Variants in COMMD4 observed in about 807,000 individuals in gnomAD.
COMMD4 encodes COMM domain containing 4.
Under a neutral mutation model 27.5 loss-of-function variants are expected in COMMD4, and 18 were observed. The observed-to-expected ratio is 0.65, with a 90% CI of 0.45 to 0.97. The LOEUF (loss-of-function observed/expected upper bound fraction) is 0.97, where lower values mean the gene tolerates loss of function less well. Among genes scored for constraint, COMMD4 ranks in the 50% least tolerant of loss-of-function variants. The pLI is 0.00. For synonymous variants in COMMD4, 108 were observed against 108.4 expected (o/e 1.00, Z 0.02); for missense variants, 243 against 250.0 (o/e 0.97, Z 0.19).
Position 75,336,081 on chromosome 15 carries a change from C to T in COMMD4, c.-9C>T, listed in dbSNP as rs1343881549. 6.5e-6 allele frequency: 10 copies of T among 1,549,674 alleles called. No homozygotes were observed. Among genetic ancestry groups the T allele is most frequent in the Admixed American group, 5.9e-5 (3 of 50,984 alleles). ...AAAAGAAATTCCCGGGCCCTGGCTT[C>T]TTGGCGCGATGGTGAGGCACTAGGG... On this transcript the variant is annotated 5_prime_UTR_variant, in exon 1 of 8. Transcript: ENST00000267935.
chr15:75,338,705 T>C lies in COMMD4; in HGVS notation c.181+20T>C, dbSNP rs1218086553. On this transcript the variant is annotated intron_variant, in intron 4 of 7. Coordinates refer to ENST00000267935, the MANE Select transcript of COMMD4 (RefSeq NM_017828.5). ...AGTTTGGTGAGTATCCCGCTGAGTC[T>C]ATAGGCCCCAGGCAACCCTGGGAAC... 1.3e-5 allele frequency: 21 copies of C among 1,611,932 alleles called. No homozygotes were observed. Among genetic ancestry groups the C allele is most frequent in the African/African-American group, 8.0e-5 (6 of 74,824 alleles).
chr15:75,342,096 AT>A (rs767725123), downstream of COMMD4: 146 of 142,424 alleles, frequency 1.0e-3, 1 homozygote, highest in Admixed American at 8.4e-3. Flanking sequence ...AAAAAAAAAA[AT>A]GTATATATAC....
chr15:75,339,003 C>T lies in COMMD4; in HGVS notation c.200C>T (p.Ala67Val). 6.2e-7 allele frequency: 1 copy of T among 1,613,968 alleles called. No individual in the cohort carries two copies. Among genetic ancestry groups the T allele is most frequent in the Non-Finnish European group, 8.5e-7 (1 of 1,179,882 alleles). ...CCCTCAGAGTCAGGCGATGTGAAGGCCACAGTGGCAGTGCTGAGTTTCATC... is the reference window on the plus strand; with the variant it reads ...CCCTCAGAGTCAGGCGATGTGAAGGTCACAGTGGCAGTGCTGAGTTTCATC... ...DAKFESGDVK[A>V]TVAVLSFILS... Residue 67 changes from alanine to valine, a missense_variant, in exon 5 of 8, where the codon GCC (alanine) becomes GTC (valine). Ala to Val is a moderately conservative substitution (Grantham distance 64, BLOSUM62 0). Coordinates refer to ENST00000267935, the MANE Select transcript of COMMD4 (RefSeq NM_017828.5).
At chr15:75,339,914 C>G in intron 7 of COMMD4, 36 bp downstream of exon 7, 1 of 1,614,024 alleles carries the variant, frequency 6.2e-7, no homozygotes, top group Non-Finnish European at 8.5e-7. Context: ...GTGAGAGGCT[C>G]TCCCAGATCC....
chr15:75,339,709 G>T lies in COMMD4; in HGVS notation c.390G>T (p.Arg130Ser), dbSNP rs2071376880. ...ACCCACCCCATCTCACAGTGAATAG[G>T]TTGGCAGGTGTGGGCTGGCGGGTGG... is the stretch of plus-strand genomic sequence containing the variant. ...HLRVCSLRMN[R>S]LAGVGWRVDY... The change falls in exon 7 of 8, where the codon AGG becomes AGT. Residue 130 changes from arginine to serine, a missense_variant. Coordinates refer to ENST00000267935, the MANE Select transcript of COMMD4 (RefSeq NM_017828.5). 6.3e-7 allele frequency: 1 copy of T among 1,594,614 alleles called. No homozygotes were observed. The highest frequency in any genetic ancestry group is 1.7e-5 in the Admixed American group (1 of 58,160).
chr15:75,338,386 A>G lies in COMMD4; in HGVS notation c.107A>G (p.Gln36Arg). 1.3e-6 allele frequency: 2 copies of G among 1,596,452 alleles called. No individual in the cohort carries two copies. The highest frequency in any genetic ancestry group is 8.5e-7 in the Non-Finnish European group (1 of 1,172,010). Residue 36 changes from glutamine (Q) to arginine (R), a missense_variant, in exon 3 of 8, where the codon CAG (glutamine) becomes CGG (arginine). Coordinates refer to ENST00000267935, the MANE Select transcript of COMMD4 (RefSeq NM_017828.5). ...GTGAAGTTGCGGCTGCTCTGCAGCC[A>G]GGTACTAAAGGAGCTGCTGGGACAG... Reference protein sequence around the residue: ...SSVKLRLLCSQVLKELLGQGI... With the variant: ...SSVKLRLLCSRVLKELLGQGI...
chr15:75,339,856 C>A lies in COMMD4; in HGVS notation c.537C>A (p.Asp179Glu). ...AQPVAMSLSA[D>E]KFQVLLAELK... The stretch of plus-strand genomic sequence containing the variant: ...CTGTTGCCATGTCCCTCTCAGCAGA[C>A]AAGTTCCAGGTCCTCCTGGCAGGTG... Residue 179 changes from aspartate to glutamate, a missense_variant, in exon 7 of 8, where the codon GAC (aspartate) becomes GAA (glutamate). By Grantham distance (45) the Asp-to-Glu change is conservative. Transcript: ENST00000267935. The A allele has an allele frequency of 6.2e-7, 1 of 1,613,480 alleles. No individual in the cohort carries two copies.
intron 6 of COMMD4, 164 bp downstream of exon 6, chr15:75,339,508 T>A: frequency 8.3e-7 from 1 of 1,207,070 alleles, no homozygotes; most frequent in Non-Finnish European, 1.2e-6. Context: ...ACAAGGTTTC[T>A]TGTCACTGAG....
chr15:75,339,563 T>G, intron 6 of COMMD4, 139 bp from the exon 7 acceptor site: 2 of 1,165,596 alleles, frequency 1.7e-6, no homozygotes, highest in Non-Finnish European at 2.4e-6. Flanking sequence ...ACCTGCCCTG[T>G]TCTGAGCCTG....
At position 75,339,744 on chromosome 15, in the gene COMMD4, T is replaced by C; in HGVS notation, c.425T>C (p.Leu142Pro). 6.2e-7 allele frequency: 1 copy of C among 1,612,332 alleles called. No individual in the cohort carries two copies. Among genetic ancestry groups the C allele is most frequent in the East Asian group, 2.2e-5 (1 of 44,888 alleles). The change falls in exon 7 of 8, where the codon CTG (leucine) becomes CCG (proline). Residue 142 changes from leucine (L) to proline (P), a missense_variant. Leu to Pro is a moderately conservative substitution (Grantham distance 98). Coordinates refer to ENST00000267935, the MANE Select transcript of COMMD4 (RefSeq NM_017828.5). ...AGVGWRVDYTLSSSLLQSVEE... is the reference protein window; with the variant it reads ...AGVGWRVDYTPSSSLLQSVEE... Reference sequence around the variant, plus strand: ...GTGGGCTGGCGGGTGGACTACACCCTGAGCTCCAGCCTGCTGCAATCCGTG... The same window carrying C: ...GTGGGCTGGCGGGTGGACTACACCCCGAGCTCCAGCCTGCTGCAATCCGTG...
intron 1 of COMMD4, chr15:75,336,536 C>T (rs200714152): frequency 6.3e-6 from 2 of 319,316 alleles, no homozygotes; most frequent in Non-Finnish European, 1.2e-5. Context: ...CTTTCCAGAG[C>T]CAGAAAGTAG....
chr15:75,340,304 TC>T, downstream of COMMD4: 1 of 403,310 alleles, frequency 2.5e-6, no homozygotes, highest in Non-Finnish European at 4.5e-6. Context: ...TGGGTTCAGA[TC>T]AAGGGTTTTT....
chr15:75,340,732 G>A (rs2071420838), downstream of COMMD4: 1 of 151,680 alleles, frequency 6.6e-6, no homozygotes, highest in Non-Finnish European at 1.5e-5. Context: ...TGCCTCCTGG[G>A]TTCAAGCAAT....
chr15:75,336,072 C>G lies in COMMD4; in HGVS notation c.-18C>G, dbSNP rs765045060. 2 of 1,549,582 alleles carry G rather than the reference C, an allele frequency of 1.3e-6. No homozygotes were observed. Among genetic ancestry groups the G allele is most frequent in the African/African-American group, 2.7e-5 (2 of 72,982 alleles). On this transcript the variant is annotated 5_prime_UTR_variant, in exon 1 of 8. Transcript: ENST00000267935. ...GGGACCGGAAAAAGAAATTCCCGGG[C>G]CCTGGCTTCTTGGCGCGATGGTGAG...
At chr15:75,339,899 G>A (rs200449297) in intron 7 of COMMD4, 21 bp downstream of exon 7, 119 of 1,613,630 alleles carry the variant, frequency 7.4e-5, no homozygotes, top group Middle Eastern at 3.3e-4. Context: ...GCTATTCCTC[G>A]ACGGGTGAGA....
In COMMD4 at chr15:75,336,065, T is replaced by C. The variant is rs370496699; in HGVS notation, c.-25T>C. On this transcript the variant is annotated 5_prime_UTR_variant, in exon 1 of 8. Transcript: ENST00000267935. ...ACCCTGCGGGACCGGAAAAAGAAAT[T>C]CCCGGGCCCTGGCTTCTTGGCGCGA... 4.9e-4 allele frequency: 758 copies of C among 1,549,518 alleles called. 1 individual carries two copies. The highest frequency in any genetic ancestry group is 6.7e-4 in the Middle Eastern group (3 of 4,486).
intron 4 of COMMD4, 121 bp downstream of exon 4, chr15:75,338,806 A>G: frequency 2.9e-6 from 4 of 1,401,286 alleles, no homozygotes; most frequent in South Asian, 2.4e-5. Context: ...CTAGTGGAGG[A>G]GCATGAGGGA....
At position 75,340,109 on chromosome 15, in the gene COMMD4, C is replaced by A; in HGVS notation, c.*104C>A. ...AGCCCTGGTTCTAGGATGCTGAGGC[C>A]CTGGCCCGGACTCTGGCCTCCCAGA... is the stretch of plus-strand genomic sequence containing the variant. On this transcript the variant is annotated 3_prime_UTR_variant, in exon 8 of 8. Transcript: ENST00000267935. 7.2e-7 allele frequency: 1 copy of A among 1,386,886 alleles called. No homozygotes were observed. 85.9% of individuals were successfully genotyped at this position (1,386,886 alleles called of 1,614,324 possible). A position where few individuals can be genotyped will look rare whatever the true frequency, so the allele number is the denominator to read the frequency against.
chr15:75,337,989 G>A lies in COMMD4; in HGVS notation c.4-73G>A, dbSNP rs917562540. ...CCAGGGGTCCCTGGTGGGCAGCAGT[G>A]TGGGAGACACACGGATCCTGGCCAC... is the stretch of plus-strand genomic sequence containing the variant. On this transcript the variant is annotated intron_variant, in intron 1 of 7. Transcript: ENST00000267935. 10 of 1,468,626 alleles carry A rather than the reference G, an allele frequency of 6.8e-6. No individual in the cohort carries two copies. The African/African-American group carries it at 1.4e-4, about 21-fold the overall frequency. The allele number at this position is 1,468,626 out of a possible 1,614,324, so 91.0% of individuals were successfully genotyped here. A position where few individuals can be genotyped will look rare whatever the true frequency, so the allele number is the denominator to read the frequency against.
Sources: gnomAD v4.1 joint callset for allele counts on GRCh38, gnomAD v4.1.1 for gene constraint, MANE v1.5 for transcripts, NCBI Gene and HGNC (gene_info 2026-07-23, HGNC 2026-07-21) for gene names.